Variants in ARHGAP19 observed in about 807,000 individuals in gnomAD.
The protein encoded by ARHGAP19 is rho GTPase-activating protein 19.
A neutral mutation model predicts 60.9 loss-of-function variants in ARHGAP19; 48 were observed. The ratio of observed to expected loss-of-function variants is 0.79; its 90% CI spans 0.62 to 1.00. The LOEUF (loss-of-function observed/expected upper bound fraction) is 1.00, where lower values mean the gene tolerates loss of function less well. Among genes scored for constraint, ARHGAP19 ranks in the 50% least tolerant of loss-of-function variants. The pLI, the probability that ARHGAP19 is intolerant of heterozygous loss-of-function variation, is 0.00. For synonymous variants in ARHGAP19, 209 were observed against 215.5 expected (o/e 0.97, Z 0.27); for missense variants, 562 against 597.2 (o/e 0.94, Z 0.61).
chr10:97,291,880 G>T (rs796194914), intron 1 of ARHGAP19, among the ~76,000 whole-genome samples: 1 of 152,046 alleles, frequency 6.6e-6, no homozygotes, highest in African/African-American at 2.4e-5. Flanking sequence ...GCTAAATCTC[G>T]GTGTGGCTGT....
At position 97,253,414 on chromosome 10, in the gene ARHGAP19, G is replaced by A. The variant is rs553276739; in HGVS notation, c.927+2904C>T. 4.6e-5 allele frequency among the ~76,000 whole-genome samples: 7 copies of A among 151,574 alleles called. No individual in the cohort carries two copies. In the East Asian group the frequency reaches 1.4e-3, roughly 29 times the overall value. ...AAAAAAAGTGCATCTCATGGTGAGG[G>A]AGAAAAAGAAAAGAAAAGAAAAAAA... On this transcript the variant is annotated intron_variant, in intron 6 of 11. Coordinates refer to ENST00000358531, the MANE Select transcript of ARHGAP19 (RefSeq NM_032900.6).
intron 6 of ARHGAP19, among the ~76,000 whole-genome samples, chr10:97,254,250 G>A (rs909045680): frequency 1.1e-4 from 16 of 152,108 alleles, no homozygotes; most frequent in African/African-American, 3.9e-4. Flanking sequence ...AACCAACCTG[G>A]AGGACTCGAG....
intron 1 of ARHGAP19, among the ~76,000 whole-genome samples, chr10:97,273,980 AACAC>A (rs887141522): frequency 5.2e-5 from 7 of 135,394 alleles, no homozygotes; most frequent in East Asian, 2.5e-4. Context: ...CACACACACA[AACAC>A]ACACACACAC....
At chr10:97,279,941 C>T (rs749983405) in intron 1 of ARHGAP19, among the ~76,000 whole-genome samples, 77 of 152,198 alleles carry the variant, frequency 5.1e-4, no homozygotes, top group Non-Finnish European at 1.8e-4. Flanking sequence ...GTAATATTCT[C>T]AGTCAAGAAT....
intron 8 of ARHGAP19, among the ~76,000 whole-genome samples, chr10:97,241,443 G>A (rs970926581): frequency 6.7e-6 from 1 of 150,252 alleles, no homozygotes; most frequent in Non-Finnish European, 1.5e-5. Context: ...GGCCAGGTGC[G>A]GTGGCTCACA....
At chr10:97,276,770 C>T (rs1202008737) in intron 1 of ARHGAP19, among the ~76,000 whole-genome samples, 1 of 5,478 alleles carries the variant, frequency 1.8e-4, no homozygotes. Context: ...CCCGGCCGCC[C>T]CTACTGGGAA....
Position 97,263,511 on chromosome 10 carries a change from A to AT in ARHGAP19, c.521dup (p.Asn174LysfsTer2). 6.2e-7 allele frequency: 1 copy of AT among 1,614,142 alleles called. No individual in the cohort carries two copies. Among genetic ancestry groups the AT allele is most frequent in the Non-Finnish European group, 8.5e-7 (1 of 1,180,026 alleles). On this transcript the variant is annotated frameshift_variant, in exon 4 of 12. Coordinates refer to ENST00000358531, the MANE Select transcript of ARHGAP19 (RefSeq NM_032900.6). LOFTEE classifies it high-confidence loss of function. ...ACATCTTCAGCAAAGTGGCAACATC[A>AT]TTTGAGTGAAATTCCCCTGATTCCA...
intron 1 of ARHGAP19, among the ~76,000 whole-genome samples, chr10:97,272,048 G>C (rs1842964771): frequency 6.6e-6 from 1 of 151,000 alleles, no homozygotes; most frequent in Non-Finnish European, 1.5e-5. Context: ...AAGTGAGATT[G>C]GTCTTAAATT....
At chr10:97,235,145 T>C (rs1438348302) in intron 9 of ARHGAP19, 72 bp downstream of exon 9, 3 of 1,429,338 alleles carry the variant, frequency 2.1e-6, no homozygotes, top group Admixed American at 3.9e-5. Flanking sequence ...GAAAACTTTT[T>C]ATGCATAAGA....
chr10:97,274,247 C>T (rs942960948), intron 1 of ARHGAP19, among the ~76,000 whole-genome samples: 13 of 152,004 alleles, frequency 8.6e-5, no homozygotes, highest in Admixed American at 8.5e-4. Context: ...GGGTGGATCA[C>T]AAGGTCAGGA....
chr10:97,256,269 G>A, intron 6 of ARHGAP19, 49 bp downstream of exon 6: 1 of 1,397,848 alleles, frequency 7.2e-7, no homozygotes. Context: ...ATCCCACCTT[G>A]CTCCATTTTC....
intron 8 of ARHGAP19, among the ~76,000 whole-genome samples, chr10:97,239,339 A>C (rs1842431621): frequency 6.6e-6 from 1 of 151,680 alleles, no homozygotes; most frequent in Non-Finnish European, 1.5e-5. Flanking sequence ...CTAAAATACA[A>C]AAAAAAATTA....
At chr10:97,287,323 A>C (rs1843168254) in intron 1 of ARHGAP19, among the ~76,000 whole-genome samples, 1 of 152,202 alleles carries the variant, frequency 6.6e-6, no homozygotes, top group Non-Finnish European at 1.5e-5. Flanking sequence ...TAAGAAATGA[A>C]ATGTGTTAAA....
At chr10:97,281,880 T>A (rs1302880521) in intron 1 of ARHGAP19, among the ~76,000 whole-genome samples, 1 of 152,200 alleles carries the variant, frequency 6.6e-6, no homozygotes, top group African/African-American at 2.4e-5. Flanking sequence ...CTTAAGGTGC[T>A]TTTTGGTTTC....
chr10:97,253,408 G>C (rs1205988881), intron 6 of ARHGAP19, among the ~76,000 whole-genome samples: 1 of 151,028 alleles, frequency 6.6e-6, no homozygotes, highest in South Asian at 2.1e-4. Context: ...GCATCTCATG[G>C]TGAGGGAGAA....
intron 6 of ARHGAP19, among the ~76,000 whole-genome samples, chr10:97,246,753 C>T (rs1842569126): frequency 6.6e-6 from 1 of 152,122 alleles, no homozygotes. Flanking sequence ...GTAATCTCAG[C>T]ACTTTGGGAG....
intron 5 of ARHGAP19, among the ~76,000 whole-genome samples, chr10:97,256,917 T>A (rs184064741): frequency 6.6e-6 from 1 of 151,672 alleles, no homozygotes; most frequent in African/African-American, 2.4e-5. Context: ...GTCAGGAGAT[T>A]GAGACCATCC....
chr10:97,235,158 A>T, intron 9 of ARHGAP19, 59 bp downstream of exon 9: 1 of 1,492,582 alleles, frequency 6.7e-7, no homozygotes, highest in Non-Finnish European at 9.2e-7. Flanking sequence ...GCATAAGAAA[A>T]ATCACATTGT....
chr10:97,229,125 A>T (rs748416097), intron 11 of ARHGAP19, 22 bp downstream of exon 11: 1 of 1,592,482 alleles, frequency 6.3e-7, no homozygotes, highest in Admixed American at 1.7e-5. Context: ...TAGTAAGAAC[A>T]GAGAGTAAGT....
Sources: gnomAD v4.1 joint callset for allele counts (sites outside exome capture counted in the v4.1 genomes callset) on GRCh38, gnomAD v4.1.1 for gene constraint, MANE v1.5 for transcripts, NCBI Gene and HGNC (gene_info 2026-07-23, HGNC 2026-07-21) for gene names.